Variants in TMEM161B observed in about 807,000 individuals in gnomAD.
TMEM161B encodes the protein transmembrane protein 161B.
TMEM161B carries 34 observed loss-of-function variants against 61.8 expected under a neutral mutation model. That is an observed-to-expected ratio of 0.55 (90% confidence interval 0.42 to 0.73). The LOEUF (loss-of-function observed/expected upper bound fraction) is 0.73, where lower values mean the gene tolerates loss of function less well. Among genes scored for constraint, TMEM161B ranks in the 30% least tolerant of loss-of-function variants. The pLI is 0.00. For synonymous variants in TMEM161B, 167 were observed against 192.8 expected (o/e 0.87, Z 1.11); for missense variants, 456 against 558.5 (o/e 0.82, Z 1.85).
At chr5:88,216,612 C>T (rs1747891873) in intron 5 of TMEM161B, among the ~76,000 whole-genome samples, 1 of 152,108 alleles carries the variant, frequency 6.6e-6, no homozygotes, top group Admixed American at 6.5e-5. Flanking sequence ...CTCTTCTAGT[C>T]TAAACTATAC....
chr5:88,209,413 G>A (rs1451701247), intron 5 of TMEM161B, among the ~76,000 whole-genome samples: 4 of 151,910 alleles, frequency 2.6e-5, no homozygotes, highest in African/African-American at 9.7e-5. Context: ...AGTATCTTTG[G>A]CCAAAAGTGG....
chr5:88,225,219 G>A (rs1580517489), intron 4 of TMEM161B, among the ~76,000 whole-genome samples: 1 of 152,130 alleles, frequency 6.6e-6, no homozygotes, highest in Middle Eastern at 3.4e-3. Context: ...CGCCCGCCTT[G>A]GCCTCCCAAA....
intron 2 of TMEM161B, among the ~76,000 whole-genome samples, chr5:88,234,183 T>C (rs1380416936): frequency 6.6e-6 from 1 of 151,994 alleles, no homozygotes; most frequent in Non-Finnish European, 1.5e-5. Flanking sequence ...CCAACTGAAA[T>C]GGAGCAGGTG....
intron 2 of TMEM161B, among the ~76,000 whole-genome samples, chr5:88,230,481 C>T (rs1184246270): frequency 1.3e-5 from 2 of 152,150 alleles, no homozygotes; most frequent in African/African-American, 4.8e-5. Flanking sequence ...TCAAGGCCCA[C>T]ATGTGTATGG....
At position 88,210,273 on chromosome 5, in the gene TMEM161B, C is replaced by T. The variant is rs182724051; in HGVS notation, c.447-3093G>A. 1.2e-4 allele frequency among the ~76,000 whole-genome samples: 19 copies of T among 152,266 alleles called. No homozygotes were observed. In the East Asian group the frequency reaches 3.5e-3, roughly 28 times the overall value. On this transcript the variant is annotated intron_variant, in intron 5 of 11. Coordinates refer to ENST00000296595, the MANE Select transcript of TMEM161B (RefSeq NM_153354.5). ...CTAGACAACTGAATTAAATATTTAA[C>T]ATGTAATACCAAAAATATGGGAATG...
At chr5:88,259,633 G>C (rs1386272715) in intron 1 of TMEM161B, among the ~76,000 whole-genome samples, 3 of 152,200 alleles carry the variant, frequency 2.0e-5, no homozygotes, top group Non-Finnish European at 2.9e-5. Flanking sequence ...AGTTAAGGTA[G>C]AAGAAATATG....
At chr5:88,223,620 G>T (rs1023896531) in intron 4 of TMEM161B, among the ~76,000 whole-genome samples, 1 of 152,184 alleles carries the variant, frequency 6.6e-6, no homozygotes, top group Non-Finnish European at 1.5e-5. Flanking sequence ...AGGTGCAGTG[G>T]CTCATGCCTG....
intron 5 of TMEM161B, among the ~76,000 whole-genome samples, chr5:88,213,243 C>A (rs1747179007): frequency 6.6e-6 from 1 of 151,996 alleles, no homozygotes. Flanking sequence ...AAAATAAGTA[C>A]ATTAATCCTA....
intron 9 of TMEM161B, chr5:88,201,741 T>G (rs969618219): frequency 6.5e-6 from 1 of 153,734 alleles, no homozygotes; most frequent in Non-Finnish European, 1.4e-5. Context: ...TCCTTAGAAT[T>G]ACTTTTCAAT....
chr5:88,216,884 A>C (rs182335701), intron 5 of TMEM161B, among the ~76,000 whole-genome samples: 89 of 152,336 alleles, frequency 5.8e-4, no homozygotes, highest in Middle Eastern at 3.4e-3. Flanking sequence ...ATAAATATCA[A>C]CAAAATTTTG....
At chr5:88,186,466 T>C (rs115116537), downstream of TMEM161B, among the ~76,000 whole-genome samples, 2,898 of 152,286 alleles carry the variant, frequency 0.019, 20 homozygotes, top group Middle Eastern at 0.054. Context: ...GAAGTGCCTA[T>C]TCAAATGTCT....
At chr5:88,213,958 G>C (rs1333405833) in intron 5 of TMEM161B, among the ~76,000 whole-genome samples, 1 of 152,094 alleles carries the variant, frequency 6.6e-6, no homozygotes, top group Non-Finnish European at 1.5e-5. Context: ...TTAATCTAAA[G>C]CAGAACATTT....
At chr5:88,206,281 TTATA>T (rs977492593) in intron 7 of TMEM161B, 154 bp downstream of exon 7, 1 of 653,540 alleles carries the variant, frequency 1.5e-6, no homozygotes, top group Non-Finnish European at 2.6e-6. Context: ...GACACTAACT[TTATA>T]TAGTCATAAA....
intron 1 of TMEM161B, among the ~76,000 whole-genome samples, chr5:88,241,911 T>G (rs1328247352): frequency 6.6e-6 from 1 of 151,784 alleles, no homozygotes; most frequent in African/African-American, 2.4e-5. Context: ...TATATCTACA[T>G]CTGTCTTTTC....
intron 1 of TMEM161B, among the ~76,000 whole-genome samples, chr5:88,268,260 C>A (rs1477223356): frequency 6.6e-6 from 1 of 152,156 alleles, no homozygotes; most frequent in Non-Finnish European, 1.5e-5. Context: ...AGGGGACTAC[C>A]GTTTCTTTAA....
At chr5:88,200,070 A>G (rs1744093442) in intron 9 of TMEM161B, 1 of 148,952 alleles carries the variant, frequency 6.7e-6, no homozygotes, top group Non-Finnish European at 1.5e-5. Flanking sequence ...GAATGGATGC[A>G]TATAAAGAAC....
At chr5:88,249,048 G>C (rs1281822602) in intron 1 of TMEM161B, among the ~76,000 whole-genome samples, 2 of 152,054 alleles carry the variant, frequency 1.3e-5, no homozygotes, top group African/African-American at 2.4e-5. Context: ...AGAAAGGAAA[G>C]TTTTGCCACG....
chr5:88,218,658 A>G (rs1001517230), intron 5 of TMEM161B, among the ~76,000 whole-genome samples: 2 of 152,144 alleles, frequency 1.3e-5, no homozygotes, highest in Non-Finnish European at 2.9e-5. Flanking sequence ...ACTGCACTCC[A>G]GCCTAGGCAA....
At chr5:88,213,791 C>A (rs1394551280) in intron 5 of TMEM161B, among the ~76,000 whole-genome samples, 1 of 152,082 alleles carries the variant, frequency 6.6e-6, no homozygotes, top group Admixed American at 6.5e-5. Context: ...CATGTTCATA[C>A]AACAAACAAG....
Sources: gnomAD v4.1 joint callset for allele counts (sites outside exome capture counted in the v4.1 genomes callset) on GRCh38, gnomAD v4.1.1 for gene constraint, MANE v1.5 for transcripts, NCBI Gene and HGNC (gene_info 2026-07-23, HGNC 2026-07-21) for gene names.